Variants in SPCS2 observed in about 807,000 individuals in gnomAD.
SPCS2 encodes the protein signal peptidase complex subunit 2, also known as SPase 25 kDa subunit.
SPCS2 carries 3 observed loss-of-function variants against 22.3 expected under a neutral mutation model. The ratio of observed to expected loss-of-function variants is 0.13; its 90% CI spans 0.06 to 0.35. The LOEUF is 0.35. Among genes scored for constraint, SPCS2 ranks in the 10% least tolerant of loss-of-function variants. The probability of loss-of-function intolerance (pLI) is 1.00; values close to 1 mark genes in which losing one functional copy is unlikely to be tolerated. For missense variants in SPCS2, 169 were observed against 280.9 expected (o/e 0.60, Z 2.85); for synonymous variants, 67 against 97.2 (o/e 0.69, Z 1.83).
rs1948629992 is a variant in SPCS2 at position 74,978,877 on chromosome 11, G to C, written c.*1834G>C. 1 of 152,092 alleles carries C rather than the reference G, an allele frequency of 6.6e-6. No homozygotes were observed. Among genetic ancestry groups the C allele is most frequent in the African/African-American group, 2.4e-5 (1 of 41,400 alleles). 9.4% of individuals were successfully genotyped at this position (152,092 alleles called of 1,614,324 possible). A position where few individuals can be genotyped will look rare whatever the true frequency, so the allele number is the denominator to read the frequency against. ...CCACTGTGCCTTTTTCTTTACATGT[G>C]CATGCAAACATGTGTCTCCACATAC... On this transcript the variant is annotated 3_prime_UTR_variant, in exon 5 of 5. Coordinates refer to ENST00000263672, the MANE Select transcript of SPCS2 (RefSeq NM_014752.3).
intron 1 of SPCS2, among the ~76,000 whole-genome samples, chr11:74,964,054 C>T (rs532345356): frequency 3.9e-5 from 6 of 152,336 alleles, no homozygotes; most frequent in Admixed American, 1.3e-4. Context: ...TACTCCTCCC[C>T]GTATTTCTCT....
At chr11:74,958,892 T>C (rs1455800824) in intron 1 of SPCS2, among the ~76,000 whole-genome samples, 1 of 152,040 alleles carries the variant, frequency 6.6e-6, no homozygotes, top group Non-Finnish European at 1.5e-5. Context: ...CCCCTCCAGA[T>C]CATCTGCCAG....
At chr11:74,975,215 G>A (rs1343270289) in intron 4 of SPCS2, among the ~76,000 whole-genome samples, 1 of 151,992 alleles carries the variant, frequency 6.6e-6, no homozygotes, top group African/African-American at 2.4e-5. Flanking sequence ...GGATGTTCTT[G>A]CCTCAGGGCC....
intron 1 of SPCS2, among the ~76,000 whole-genome samples, chr11:74,956,724 A>G (rs769222201): frequency 6.6e-6 from 1 of 152,098 alleles, no homozygotes; most frequent in Non-Finnish European, 1.5e-5. Context: ...TTCCCATCTC[A>G]GTTAGCTAAA....
chr11:74,951,260 C>G (rs971041260), intron 1 of SPCS2, among the ~76,000 whole-genome samples: 3 of 152,110 alleles, frequency 2.0e-5, no homozygotes, highest in Non-Finnish European at 4.4e-5. Context: ...GCACCTAGAT[C>G]ACAGGGTTTT....
At chr11:74,972,785 C>T (rs1265294788) in intron 4 of SPCS2, among the ~76,000 whole-genome samples, 1 of 149,976 alleles carries the variant, frequency 6.7e-6, no homozygotes, top group Non-Finnish European at 1.5e-5. Context: ...GTAATATGAA[C>T]ATTTACCATA....
intron 1 of SPCS2, among the ~76,000 whole-genome samples, chr11:74,960,263 C>T (rs141031173): frequency 2.6e-5 from 4 of 152,286 alleles, no homozygotes; most frequent in South Asian, 4.1e-4. Flanking sequence ...ACCCAGGAGG[C>T]GGAGGTTACA....
chr11:74,956,263 A>G (rs1003195675), intron 1 of SPCS2, among the ~76,000 whole-genome samples: 1 of 152,066 alleles, frequency 6.6e-6, no homozygotes, highest in African/African-American at 2.4e-5. Context: ...TGACTTCTAC[A>G]TTTATATTCT....
intron 3 of SPCS2, chr11:74,968,103 G>C (rs557466523): frequency 5.9e-5 from 9 of 152,094 alleles, no homozygotes; most frequent in Non-Finnish European, 1.2e-4. Flanking sequence ...TTTAAATCTA[G>C]GATTATCTCT....
At chr11:74,954,866 C>T (rs1399889849) in intron 1 of SPCS2, among the ~76,000 whole-genome samples, 5 of 152,102 alleles carry the variant, frequency 3.3e-5, no homozygotes, top group African/African-American at 1.2e-4. Flanking sequence ...AATTTTACAA[C>T]TCAGTAATAA....
In SPCS2 at chr11:74,951,526, C is replaced by A. The variant is rs755527697; in HGVS notation, c.114+2127C>A. On this transcript the variant is annotated intron_variant, in intron 1 of 4. Coordinates refer to ENST00000263672, the MANE Select transcript of SPCS2 (RefSeq NM_014752.3). Reference sequence around the variant, plus strand: ...CGAGCTTATTGATAAGAGTAAGAGCCTCGGCCGGGCGCAGTGGCTCACACC... The same window carrying A: ...CGAGCTTATTGATAAGAGTAAGAGCATCGGCCGGGCGCAGTGGCTCACACC... Among the ~76,000 whole-genome samples, 42 of 151,844 alleles carry A rather than the reference C, an allele frequency of 2.8e-4. 1 individual carries two copies. The highest frequency in any genetic ancestry group is 2.1e-3 in the Admixed American group (32 of 15,248).
chr11:74,949,738 AC>A, intron 1 of SPCS2: 1 of 444,042 alleles, frequency 2.3e-6, no homozygotes, highest in Non-Finnish European at 4.5e-6. Context: ...TTTCACAGAC[AC>A]GGAAAACCGA....
chr11:74,955,116 A>G (rs1484801079), intron 1 of SPCS2, among the ~76,000 whole-genome samples: 4 of 152,222 alleles, frequency 2.6e-5, no homozygotes, highest in East Asian at 1.9e-4. Flanking sequence ...GAATCTTCAT[A>G]TATCGCTAAC....
chr11:74,957,381 G>A (rs568004641), intron 1 of SPCS2, among the ~76,000 whole-genome samples: 4 of 152,236 alleles, frequency 2.6e-5, no homozygotes, highest in African/African-American at 4.8e-5. Flanking sequence ...CAGATGAAAC[G>A]GCTGTATGGT....
chr11:74,965,434 T>C (rs1948538530), intron 2 of SPCS2, among the ~76,000 whole-genome samples: 1 of 152,144 alleles, frequency 6.6e-6, no homozygotes, highest in African/African-American at 2.4e-5. Context: ...TAATTTTTTG[T>C]TTTTGAGATT....
At chr11:74,953,432 A>G (rs1302775778) in intron 1 of SPCS2, among the ~76,000 whole-genome samples, 6 of 152,114 alleles carry the variant, frequency 3.9e-5, no homozygotes, top group Non-Finnish European at 8.8e-5. Context: ...ACCTCAGGTG[A>G]TCCAACGGCC....
chr11:74,951,548 C>T (rs1337609280), intron 1 of SPCS2, among the ~76,000 whole-genome samples: 2 of 152,070 alleles, frequency 1.3e-5, no homozygotes, highest in African/African-American at 2.4e-5. Context: ...CAGTGGCTCA[C>T]ACCTGTAAAC....
chr11:74,954,757 G>C (rs905042621), intron 1 of SPCS2, among the ~76,000 whole-genome samples: 2 of 151,950 alleles, frequency 1.3e-5, no homozygotes, highest in Non-Finnish European at 2.9e-5. Flanking sequence ...TGTGTCAAAG[G>C]CCACTATCAA....
chr11:74,951,967 C>T (rs1168031094), intron 1 of SPCS2, among the ~76,000 whole-genome samples: 6 of 152,070 alleles, frequency 3.9e-5, no homozygotes, highest in African/African-American at 1.2e-4. Flanking sequence ...TTATGTTTCT[C>T]AGGTATTGAG....
Sources: gnomAD v4.1 joint callset for allele counts (sites outside exome capture counted in the v4.1 genomes callset) on GRCh38, gnomAD v4.1.1 for gene constraint, MANE v1.5 for transcripts, NCBI Gene and HGNC (gene_info 2026-07-23, HGNC 2026-07-21) for gene names.